The following ABI3BP variants were observed in gnomAD, a reference collection of about 807,000 sequenced individuals.
The protein encoded by ABI3BP is target of Nesh-SH3.
A neutral mutation model predicts 268.6 loss-of-function variants in ABI3BP; 216 were observed. The ratio of observed to expected loss-of-function variants is 0.80; its 90% CI spans 0.72 to 0.90. The LOEUF (loss-of-function observed/expected upper bound fraction) is 0.90, where lower values mean the gene tolerates loss of function less well. ABI3BP is among the 40% of genes least tolerant of loss of function. The pLI is 0.00. For synonymous variants in ABI3BP, 730 were observed against 730.0 expected (o/e 1.00, Z 0.00); for missense variants, 2,090 against 2,182.4 (o/e 0.96, Z 0.84).
At chr3:100,875,619 T>C (rs188048320) in intron 7 of ABI3BP, 40 bp from the exon 8 acceptor site, 1 of 1,415,648 alleles carries the variant, frequency 7.1e-7, no homozygotes, top group East Asian at 2.3e-5. Flanking sequence ...GGGTGGGAAA[T>C]AGGAGGCAGT....
intron 4 of ABI3BP, among the ~76,000 whole-genome samples, chr3:100,890,857 C>T (rs1409267781): frequency 6.6e-6 from 1 of 152,094 alleles, no homozygotes; most frequent in Non-Finnish European, 1.5e-5. Context: ...AATCAGTTGT[C>T]AAATCCAAGT....
chr3:100,817,668 C>T (rs1450338817), intron 41 of ABI3BP, among the ~76,000 whole-genome samples, 173 bp from the exon 42 acceptor site: 2 of 152,178 alleles, frequency 1.3e-5, no homozygotes, highest in Non-Finnish European at 2.9e-5. Flanking sequence ...GCATTGCACT[C>T]AGCTTAATAT....
intron 24 of ABI3BP, 34 bp downstream of exon 24, chr3:100,839,535 G>A (rs781687043): frequency 1.4e-5 from 22 of 1,534,704 alleles, no homozygotes; most frequent in South Asian, 1.1e-4. Flanking sequence ...GCTACAACCC[G>A]TGAAAGCAGC....
chr3:100,816,909 CTTA>C, intron 42 of ABI3BP, 141 bp from the exon 43 acceptor site: 1 of 643,660 alleles, frequency 1.6e-6, no homozygotes, highest in Non-Finnish European at 2.6e-6. Context: ...TGTTAATTTT[CTTA>C]ATCACTGAAG....
intron 2 of ABI3BP, chr3:100,911,515 C>T (rs922751007): frequency 6.0e-6 from 3 of 501,262 alleles, no homozygotes; most frequent in African/African-American, 3.9e-5. Context: ...GCATATACTC[C>T]TTAATTCCTC....
At chr3:100,766,919 C>T (rs568169604) in intron 62 of ABI3BP, among the ~76,000 whole-genome samples, 42 of 152,308 alleles carry the variant, frequency 2.8e-4, no homozygotes, top group African/African-American at 1.0e-3. Context: ...GCTGTTAGCA[C>T]TGAGCCCAGT....
intron 62 of ABI3BP, 128 bp downstream of exon 62, chr3:100,770,615 C>A: frequency 1.2e-6 from 1 of 833,174 alleles, no homozygotes; most frequent in Non-Finnish European, 1.7e-6. Flanking sequence ...TTAAAGGCAG[C>A]AAAACTGCTA....
At position 100,821,077 on chromosome 3, in the gene ABI3BP, G is replaced by T. The variant is rs530947668; in HGVS notation, c.2924C>A (p.Thr975Asn). ...TAELKPVTLR[T>N]ETWVTTQAPK... is the part of the protein sequence containing the mutation. ...ACCTTGTGTTGTCACCCAAGTCTCA[G>T]TTCTGAGTGTAACAGGTTTGAGCTC... Residue 975 changes from threonine (T) to asparagine (N), a missense_variant, in exon 39 of 68, where the codon ACT becomes AAT. Transcript: ENST00000471714. 5 of 1,535,972 alleles carry T rather than the reference G, an allele frequency of 3.3e-6. No homozygotes were observed. Among genetic ancestry groups the T allele is most frequent in the Non-Finnish European group, 4.4e-6 (5 of 1,146,784 alleles).
At chr3:100,893,608 G>A (rs1460306656) in intron 4 of ABI3BP, among the ~76,000 whole-genome samples, 1 of 151,976 alleles carries the variant, frequency 6.6e-6, no homozygotes, top group Non-Finnish European at 1.5e-5. Flanking sequence ...AAAAGGGATG[G>A]CAACTAGTGA....
chr3:100,753,972 T>G, intron 64 of ABI3BP, 124 bp from the exon 65 acceptor site: 1 of 984,994 alleles, frequency 1.0e-6, no homozygotes, highest in Non-Finnish European at 1.6e-6. Flanking sequence ...GGTACTCTTT[T>G]GCTAAGGATT....
At chr3:100,863,603 G>A (rs140822010) in intron 12 of ABI3BP, 150 of 181,732 alleles carry the variant, frequency 8.3e-4, no homozygotes, top group African/African-American at 2.5e-3. Flanking sequence ...GGCATGAGCC[G>A]CTGCACCCTG....
In ABI3BP at chr3:100,749,193, A is replaced by G. The variant is rs1351406565; in HGVS notation, c.*1302T>C. 1 of 67,916 alleles carries G rather than the reference A, an allele frequency of 1.5e-5. No homozygotes were observed. The highest frequency in any genetic ancestry group is 5.0e-5 in the African/African-American group (1 of 19,886). 4.2% of individuals were successfully genotyped at this position (67,916 alleles called of 1,614,324 possible). A position where few individuals can be genotyped will look rare whatever the true frequency, so the allele number is the denominator to read the frequency against. On this transcript the variant is annotated 3_prime_UTR_variant, in exon 68 of 68. Coordinates refer to ENST00000471714, the MANE Select transcript of ABI3BP (RefSeq NM_001375547.2). ...GAACTTTATTACTTCATAGGATGAA[A>G]GGTTAATTTAGGACATAAACAAACA... is the stretch of plus-strand genomic sequence containing the variant.
chr3:100,854,334 G>A (rs916674140), intron 14 of ABI3BP, among the ~76,000 whole-genome samples: 5 of 152,124 alleles, frequency 3.3e-5, no homozygotes, highest in African/African-American at 1.2e-4. Context: ...ACTCTAGCCT[G>A]CACGACAGCA....
intron 4 of ABI3BP, among the ~76,000 whole-genome samples, chr3:100,894,000 AAGGT>A (rs950619823): frequency 3.3e-5 from 5 of 152,128 alleles, no homozygotes; most frequent in African/African-American, 9.7e-5. Flanking sequence ...AGTACTGTGG[AAGGT>A]AGAATAGATT....
chr3:100,852,195 A>G (rs937650943), intron 14 of ABI3BP, among the ~76,000 whole-genome samples: 7 of 152,142 alleles, frequency 4.6e-5, no homozygotes, highest in African/African-American at 1.7e-4. Context: ...TGATGAGAAC[A>G]TAGTGCTATA....
chr3:100,792,902 C>T, intron 54 of ABI3BP, 134 bp from the exon 55 acceptor site: 1 of 692,594 alleles, frequency 1.4e-6, no homozygotes, highest in Non-Finnish European at 2.5e-6. Context: ...TCAGTAATCA[C>T]AATAATTCAA....
At chr3:100,761,424 CCACCTTTGGAGCTGCACCCAGCTG>C (rs1370180305) in intron 63 of ABI3BP, among the ~76,000 whole-genome samples, 5 of 152,090 alleles carry the variant, frequency 3.3e-5, no homozygotes, top group Non-Finnish European at 7.4e-5. Context: ...CCCCTTAAGG[CCACCTTTGGAGCTGCACCCAGCTG>C]CACCTTTGGA....
chr3:100,795,131 G>A (rs2097306321), intron 53 of ABI3BP, 128 bp from the exon 54 acceptor site: 1 of 601,806 alleles, frequency 1.7e-6, no homozygotes, highest in South Asian at 2.8e-5. Context: ...GTGTGCACAC[G>A]ACTTTCAGAA....
At chr3:100,957,490 A>G (rs527270218) in intron 1 of ABI3BP, among the ~76,000 whole-genome samples, 2 of 152,324 alleles carry the variant, frequency 1.3e-5, no homozygotes, top group African/African-American at 4.8e-5. Context: ...GGGAGTGGTC[A>G]GGGCTAGAGA....
Sources: allele counts gnomAD v4.1 joint callset (sites outside exome capture counted in the v4.1 genomes callset), GRCh38; gene constraint gnomAD v4.1.1; transcripts MANE v1.5; gene names NCBI Gene and HGNC (gene_info 2026-07-23, HGNC 2026-07-21).